WNK2: variants seen among roughly 807,000 people sequenced by gnomAD.
WNK2 encodes WNK lysine deficient protein kinase 2, also known as serine/threonine-protein kinase WNK2.
WNK2 carries 67 observed loss-of-function variants against 192.1 expected under a neutral mutation model. The observed-to-expected ratio is 0.35, with a 90% CI of 0.29 to 0.43. The LOEUF is 0.43. Among genes scored for constraint, WNK2 ranks in the 20% least tolerant of loss-of-function variants. The probability of loss-of-function intolerance (pLI) is 1.00; values close to 1 mark genes in which losing one functional copy is unlikely to be tolerated. For missense variants in WNK2, 2,698 were observed against 3,089.7 expected (o/e 0.87, Z 3.01); for synonymous variants, 1,439 against 1,393.9 (o/e 1.03, Z -0.72).
At chr9:93,208,156 G>C (rs1220385806) in intron 2 of WNK2, among the ~76,000 whole-genome samples, 2 of 152,202 alleles carry the variant, frequency 1.3e-5, no homozygotes, top group African/African-American at 4.8e-5. Context: ...CCTGGAGCAG[G>C]GGACGTCCCC....
intron 2 of WNK2, among the ~76,000 whole-genome samples, chr9:93,217,379 C>T (rs549291159): frequency 3.3e-5 from 5 of 152,308 alleles, no homozygotes; most frequent in South Asian, 2.1e-4. Flanking sequence ...TGTTTTGGGC[C>T]GCACAACTTT....
In WNK2 at chr9:93,306,976, T is replaced by G. The variant is rs1459855513; in HGVS notation, c.6259+155T>G. 23 of 903,218 alleles carry G rather than the reference T, an allele frequency of 2.5e-5. No individual in the cohort carries two copies. The Admixed American group carries it at 4.4e-4, about 17-fold the overall frequency. The allele number at this position is 903,218 out of a possible 1,614,324, so 56.0% of individuals were successfully genotyped here. A position where few individuals can be genotyped will look rare whatever the true frequency, so the allele number is the denominator to read the frequency against. Reference sequence around the variant, plus strand: ...GCCTCTCGGCCGGGCACTGCTTCGCTTCTGCCTGGCGGGATCGCTGTCCTC... The same window carrying G: ...GCCTCTCGGCCGGGCACTGCTTCGCGTCTGCCTGGCGGGATCGCTGTCCTC... On this transcript the variant is annotated intron_variant, in intron 27 of 29. Transcript: ENST00000427277.
At chr9:93,223,256 CT>C (rs1312893574) in intron 2 of WNK2, among the ~76,000 whole-genome samples, 1 of 152,218 alleles carries the variant, frequency 6.6e-6, no homozygotes, top group African/African-American at 2.4e-5. Flanking sequence ...GGCCCAGTGC[CT>C]GCCTCTTGTC....
At chr9:93,287,220 C>T (rs1274855390) in intron 19 of WNK2, among the ~76,000 whole-genome samples, 1 of 152,180 alleles carries the variant, frequency 6.6e-6, no homozygotes, top group Non-Finnish European at 1.5e-5. Flanking sequence ...ATCACACAGC[C>T]CTAGGGGTGC....
At chr9:93,305,760 G>A (rs1564220346) in intron 26 of WNK2, among the ~76,000 whole-genome samples, 1 of 152,204 alleles carries the variant, frequency 6.6e-6, no homozygotes. Flanking sequence ...GATCAGAGTC[G>A]CTCCTTTTTA....
At chr9:93,212,946 TGA>T (rs1835059512) in intron 2 of WNK2, among the ~76,000 whole-genome samples, 2 of 152,204 alleles carry the variant, frequency 1.3e-5, no homozygotes, top group Non-Finnish European at 2.9e-5. Context: ...CTTTTGAATG[TGA>T]AACGTCATAG....
chr9:93,216,857 T>TA (rs1564009815), intron 2 of WNK2, among the ~76,000 whole-genome samples: 30 of 149,968 alleles, frequency 2.0e-4, no homozygotes, highest in South Asian at 4.2e-4. Context: ...CAAAAAGAAC[T>TA]AAAAAAAAAC....
chr9:93,242,196 C>T (rs1020391919), intron 7 of WNK2, among the ~76,000 whole-genome samples: 2 of 152,154 alleles, frequency 1.3e-5, no homozygotes, highest in Non-Finnish European at 2.9e-5. Context: ...TGGGGTGGCG[C>T]CCAGGCTGGC....
At chr9:93,268,969 AC>A (rs1845628873) in intron 19 of WNK2, 1 of 1,548,376 alleles carries the variant, frequency 6.5e-7, no homozygotes, top group Non-Finnish European at 8.7e-7. Flanking sequence ...CTGCCCTGTT[AC>A]CCCACCAAGT....
At chr9:93,244,976 C>T (rs1841431538) in intron 7 of WNK2, among the ~76,000 whole-genome samples, 1 of 152,030 alleles carries the variant, frequency 6.6e-6, no homozygotes, top group African/African-American at 2.4e-5. Flanking sequence ...GTAGACGGGT[C>T]CCACTGACTG....
At chr9:93,221,095 C>T (rs1836797506) in intron 2 of WNK2, among the ~76,000 whole-genome samples, 1 of 152,160 alleles carries the variant, frequency 6.6e-6, no homozygotes, top group Non-Finnish European at 1.5e-5. Flanking sequence ...GTGACCGGAG[C>T]CCTGCGGTGG....
intron 28 of WNK2, among the ~76,000 whole-genome samples, chr9:93,314,954 A>G (rs12006039): frequency 0.12 from 17,552 of 152,108 alleles, 1,105 homozygotes; most frequent in Middle Eastern, 0.15. Flanking sequence ...AGCAGATGTT[A>G]CATTCCTTGT....
At chr9:93,209,940 G>A (rs115670725) in intron 2 of WNK2, among the ~76,000 whole-genome samples, 2,545 of 152,256 alleles carry the variant, frequency 0.017, 61 homozygotes, top group African/African-American at 0.058. Flanking sequence ...GGAGCCCCAC[G>A]CCTGTGGGCA....
intron 29 of WNK2, chr9:93,318,019 C>A: frequency 1.2e-6 from 2 of 1,612,728 alleles, no homozygotes; most frequent in Non-Finnish European, 1.7e-6. Flanking sequence ...AGACCCTGTT[C>A]GCTCCTAGGT....
intron 23 of WNK2, among the ~76,000 whole-genome samples, chr9:93,297,458 A>G (rs2134017180): frequency 6.6e-6 from 1 of 152,338 alleles, no homozygotes; most frequent in African/African-American, 2.4e-5. Context: ...GGAGGAAATA[A>G]CACACATTTG....
At chr9:93,185,708 C>G in intron 2 of WNK2, 98 bp downstream of exon 2, 1 of 1,412,218 alleles carries the variant, frequency 7.1e-7, no homozygotes, top group Non-Finnish European at 9.6e-7. Flanking sequence ...TTAAGAAGCC[C>G]TGGGGGCGGC....
chr9:93,252,706 A>T (rs886129226), intron 8 of WNK2, among the ~76,000 whole-genome samples, 177 bp from the exon 9 acceptor site: 1 of 152,228 alleles, frequency 6.6e-6, no homozygotes, highest in Non-Finnish European at 1.5e-5. Flanking sequence ...GGGCACCGTG[A>T]CAGCATCCCC....
In WNK2 at chr9:93,257,144, T is replaced by G; in HGVS notation, c.2382+5T>G. ...CTTGCTCAAGTCCCTCCGCAGGTAA[T>G]TCTAGGTTGATGGCTGCCGTCAGTG... On this transcript the variant is annotated splice_donor_5th_base_variant and intron_variant, in intron 11 of 29. Transcript: ENST00000427277. The surrounding 1 kb of genome is among the most constrained non-coding windows in gnomAD (Gnocchi z 4.7). 6.2e-7 allele frequency: 1 copy of G among 1,604,796 alleles called. No individual in the cohort carries two copies. The highest frequency in any genetic ancestry group is 1.1e-5 in the South Asian group (1 of 90,486).
chr9:93,242,528 C>T lies in WNK2; in HGVS notation c.1542+2552C>T, dbSNP rs374520371. Among the ~76,000 whole-genome samples, 9 of 152,228 alleles carry T rather than the reference C, an allele frequency of 5.9e-5. No individual in the cohort carries two copies. In the East Asian group the frequency reaches 9.6e-4, roughly 16 times the overall value. ...GACTTCAGGTGCACCATTTCTCTGC[C>T]GATGTAATACAGCTGTCCGTTCACA... On this transcript the variant is annotated intron_variant, in intron 7 of 29. Transcript: ENST00000427277.
Sources: gnomAD v4.1 joint callset for allele counts (sites outside exome capture counted in the v4.1 genomes callset) on GRCh38, gnomAD v4.1.1 for gene constraint, Gnocchi (gnomAD v3.1) non-coding constraint, MANE v1.5 for transcripts, NCBI Gene and HGNC (gene_info 2026-07-23, HGNC 2026-07-21) for gene names.